Variants in PDXP observed in about 807,000 individuals in gnomAD.
PDXP encodes pyridoxal phosphatase.
In PDXP, 15 loss-of-function variants were observed where a neutral mutation model predicts 14.4. The observed-to-expected ratio is 1.04, with a 90% CI of 0.70 to 1.60. The LOEUF (loss-of-function observed/expected upper bound fraction) is 1.60. Among genes scored for constraint, PDXP ranks in the 40% most tolerant of loss-of-function variants. PDXP has a pLI of 0.00. For synonymous variants in PDXP, 233 were observed against 205.6 expected (o/e 1.13, Z -1.14); for missense variants, 413 against 427.6 (o/e 0.97, Z 0.30).
Position 37,659,265 on chromosome 22 carries a change from G to A in PDXP, c.483G>A (p.Glu161=), listed in dbSNP as rs769493370. 3 of 1,321,338 alleles carry A rather than the reference G, an allele frequency of 2.3e-6. No individual in the cohort carries two copies. Among genetic ancestry groups the A allele is most frequent in the Admixed American group, 5.8e-5 (2 of 34,648 alleles). The allele number at this position is 1,321,338 out of a possible 1,614,324, so 81.9% of individuals were successfully genotyped here. ...ACTTCTCCTTCGCCAAGCTGAGGGAGGCGTGCGCGCACCTGCGCGACCCCG... is the reference window on the plus strand; with the variant it reads ...ACTTCTCCTTCGCCAAGCTGAGGGAAGCGTGCGCGCACCTGCGCGACCCCG... ...DEHFSFAKLR[E]ACAHLRDPEC... The change falls in exon 1 of 2, where the codon GAG becomes GAA. Residue 161 remains glutamate, a synonymous_variant. Coordinates refer to ENST00000215904, the MANE Select transcript of PDXP (RefSeq NM_020315.5).
intron 1 of PDXP, among the ~76,000 whole-genome samples, chr22:37,663,930 T>C (rs1175945626): frequency 1.3e-5 from 1 of 74,104 alleles, no homozygotes; most frequent in South Asian, 4.7e-4. Flanking sequence ...TTTTTTTTTT[T>C]TTTTTTTTTT....
At chr22:37,660,969 TC>T (rs1246523325) in intron 1 of PDXP, among the ~76,000 whole-genome samples, 1 of 152,134 alleles carries the variant, frequency 6.6e-6, no homozygotes, top group Non-Finnish European at 1.5e-5. Context: ...AGCCTCAGTT[TC>T]CCTATAAGTC....
chr22:37,665,513 C>G (rs62236667), intron 1 of PDXP, 42 bp from the exon 2 acceptor site: 495,414 of 1,502,230 alleles, frequency 0.33, 82,921 homozygotes, highest in Middle Eastern at 0.34. Flanking sequence ...CTGACGCTGT[C>G]CCTGCCGCCC....
At position 37,665,980 on chromosome 22, in the gene PDXP, T is replaced by A; in HGVS notation, c.*109T>A. On this transcript the variant is annotated 3_prime_UTR_variant, in exon 2 of 2. Coordinates refer to ENST00000215904, the MANE Select transcript of PDXP (RefSeq NM_020315.5). ...AGCACAACCGGCTCCTTGGTCCAGTTCTGCACCGGGGTGGGGCTGGGACCC... is the reference window on the plus strand; with the variant it reads ...AGCACAACCGGCTCCTTGGTCCAGTACTGCACCGGGGTGGGGCTGGGACCC... 1.7e-6 allele frequency: 2 copies of A among 1,176,814 alleles called. No homozygotes were observed. The highest frequency in any genetic ancestry group is 2.4e-6 in the Non-Finnish European group (2 of 831,750). 72.9% of individuals were successfully genotyped at this position (1,176,814 alleles called of 1,614,324 possible).
chr22:37,666,138 TC>T lies in PDXP; in HGVS notation c.*271del. 1.9e-6 allele frequency: 1 copy of T among 531,436 alleles called. No homozygotes were observed. 32.9% of individuals were successfully genotyped at this position (531,436 alleles called of 1,614,324 possible). The stretch of plus-strand genomic sequence containing the variant: ...GTGGCCTTATTTCTTCCCTGTCACC[TC>T]CCCTCCTTGAAATCTGGGCCCTGGT... On this transcript the variant is annotated 3_prime_UTR_variant, in exon 2 of 2. Coordinates refer to ENST00000215904, the MANE Select transcript of PDXP (RefSeq NM_020315.5).
chr22:37,658,807 G>A lies in PDXP; in HGVS notation c.25G>A (p.Gly9Arg), dbSNP rs897939294. The A allele has an allele frequency of 2.5e-6, 3 of 1,180,566 alleles. No homozygotes were observed. The highest frequency in any genetic ancestry group is 1.6e-5 in the African/African-American group (1 of 62,172). 73.1% of individuals were successfully genotyped at this position (1,180,566 alleles called of 1,614,324 possible). A position where few individuals can be genotyped will look rare whatever the true frequency, so the allele number is the denominator to read the frequency against. The change falls in exon 1 of 2, where the codon GGA becomes AGA. Residue 9 changes from glycine (G) to arginine (R), a missense_variant. Coordinates refer to ENST00000215904, the MANE Select transcript of PDXP (RefSeq NM_020315.5). MARCERLR[G>R]AALRDVLGRA... The stretch of plus-strand genomic sequence containing the variant: ...CATGGCGCGCTGCGAGAGGCTGCGC[G>A]GAGCGGCCCTGCGCGACGTGCTGGG...
In PDXP at chr22:37,659,029, G is replaced by A; in HGVS notation, c.247G>A (p.Glu83Lys). Residue 83 changes from glutamate to lysine, a missense_variant, in exon 1 of 2, where the codon GAG (glutamate) becomes AAG (lysine). Transcript: ENST00000215904. Reference protein sequence around the residue: ...ARLGFGGLRAEQLFSSALCAA... With the variant: ...ARLGFGGLRAKQLFSSALCAA... Reference sequence around the variant, plus strand: ...CCTCGGCTTCGGGGGGCTGCGCGCCGAGCAGCTCTTCAGCTCCGCGCTGTG... The same window carrying A: ...CCTCGGCTTCGGGGGGCTGCGCGCCAAGCAGCTCTTCAGCTCCGCGCTGTG... 3.4e-6 allele frequency: 4 copies of A among 1,177,182 alleles called. No individual in the cohort carries two copies. Among genetic ancestry groups the A allele is most frequent in the Non-Finnish European group, 4.2e-6 (4 of 950,356 alleles). 72.9% of individuals were successfully genotyped at this position (1,177,182 alleles called of 1,614,324 possible). A position where few individuals can be genotyped will look rare whatever the true frequency, so the allele number is the denominator to read the frequency against.
At chr22:37,659,523 A>T (rs1340234471) in intron 1 of PDXP, among the ~76,000 whole-genome samples, 167 bp downstream of exon 1, 2 of 152,170 alleles carry the variant, frequency 1.3e-5, no homozygotes, top group Admixed American at 1.3e-4. Context: ...TGATCCCTGT[A>T]GCCGTCATCC....
chr22:37,658,970 G>A lies in PDXP; in HGVS notation c.188G>A (p.Arg63His). 8.3e-7 allele frequency: 1 copy of A among 1,204,326 alleles called. No homozygotes were observed. The highest frequency in any genetic ancestry group is 1.0e-6 in the Non-Finnish European group (1 of 968,142). 74.6% of individuals were successfully genotyped at this position (1,204,326 alleles called of 1,614,324 possible). A position where few individuals can be genotyped will look rare whatever the true frequency, so the allele number is the denominator to read the frequency against. The change falls in exon 1 of 2, where the codon CGC (arginine) becomes CAC (histidine). Residue 63 changes from arginine (R) to histidine (H), a missense_variant. Physicochemically the swap from Arg to His is conservative, Grantham distance 29. Transcript: ENST00000215904. ...CTGTTTGTGAGCAACAACAGCCGGCGCGCGCGGCCCGAGCTGGCCCTGCGC... is the reference window on the plus strand; with the variant it reads ...CTGTTTGTGAGCAACAACAGCCGGCACGCGCGGCCCGAGCTGGCCCTGCGC... ...AALFVSNNSR[R>H]ARPELALRFA...
At position 37,659,144 on chromosome 22, in the gene PDXP, AGCTGCGCGCCGCGGG is replaced by A. The variant is rs1325095038; in HGVS notation, c.370_384del (p.Ala124_Arg128del). On this transcript the variant is annotated inframe_deletion, in exon 1 of 2. Coordinates refer to ENST00000215904, the MANE Select transcript of PDXP (RefSeq NM_020315.5). ...CTGGGCGGCGAGGGGCTGCGCGCCGAGCTGCGCGCCGCGGGGCTGCGCCTGGCCGGGGACCCGAGC... is the reference window on the plus strand; with the variant it reads ...CTGGGCGGCGAGGGGCTGCGCGCCGAGCTGCGCCTGGCCGGGGACCCGAGC... The A allele has an allele frequency of 5.9e-6, 6 of 1,025,336 alleles. No homozygotes were observed. The highest frequency in any genetic ancestry group is 7.0e-6 in the Non-Finnish European group (6 of 858,570). The allele number at this position is 1,025,336 out of a possible 1,614,324, so 63.5% of individuals were successfully genotyped here. A position where few individuals can be genotyped will look rare whatever the true frequency, so the allele number is the denominator to read the frequency against.
rs1442807054 is a variant in PDXP, at chr22:37,666,162, G to A, written c.*291G>A. On this transcript the variant is annotated 3_prime_UTR_variant, in exon 2 of 2. Coordinates refer to ENST00000215904, the MANE Select transcript of PDXP (RefSeq NM_020315.5). ...CTCCCCTCCTTGAAATCTGGGCCCT[G>A]GTGCCTGCTGAAGATTCCCTCTATC... 5 of 507,726 alleles carry A rather than the reference G, an allele frequency of 9.8e-6. No individual in the cohort carries two copies. In the East Asian group the frequency reaches 1.8e-4, roughly 18 times the overall value. 31.5% of individuals were successfully genotyped at this position (507,726 alleles called of 1,614,324 possible). A position where few individuals can be genotyped will look rare whatever the true frequency, so the allele number is the denominator to read the frequency against.
chr22:37,663,053 C>G (rs955365193), intron 1 of PDXP, among the ~76,000 whole-genome samples: 1 of 151,822 alleles, frequency 6.6e-6, no homozygotes, highest in African/African-American at 2.4e-5. Flanking sequence ...GTAATCCCAG[C>G]ACTTTGGGAG....
chr22:37,659,532 C>T (rs775800807), intron 1 of PDXP, among the ~76,000 whole-genome samples, 176 bp downstream of exon 1: 13 of 152,160 alleles, frequency 8.5e-5, no homozygotes, highest in Non-Finnish European at 1.6e-4. Context: ...TAGCCGTCAT[C>T]CTGTGAGGCG....
intron 1 of PDXP, among the ~76,000 whole-genome samples, chr22:37,661,517 TAGAA>T (rs1428576324): frequency 1.3e-5 from 2 of 152,164 alleles, no homozygotes; most frequent in Non-Finnish European, 1.5e-5. Context: ...AGCTGACAAA[TAGAA>T]AGGCCTGCTG....
Position 37,659,013 on chromosome 22 carries a change from C to T in PDXP, c.231C>T (p.Phe77=), listed in dbSNP as rs1212792606. The T allele has an allele frequency of 5.1e-6, 6 of 1,187,092 alleles. No individual in the cohort carries two copies. Among genetic ancestry groups the T allele is most frequent in the Non-Finnish European group, 6.3e-6 (6 of 956,148 alleles). The allele number at this position is 1,187,092 out of a possible 1,614,324, so 73.5% of individuals were successfully genotyped here. A position where few individuals can be genotyped will look rare whatever the true frequency, so the allele number is the denominator to read the frequency against. ...CCCTGCGCTTCGCGCGCCTCGGCTT[C>T]GGGGGGCTGCGCGCCGAGCAGCTCT... The part of the protein sequence containing the change: ...ELALRFARLG[F]GGLRAEQLFS... Residue 77 remains phenylalanine, a synonymous_variant, in exon 1 of 2, where the codon TTC becomes TTT. Transcript: ENST00000215904.
chr22:37,658,727 G>A lies in PDXP; in HGVS notation c.-56G>A. The A allele has an allele frequency of 2.8e-6, 3 of 1,075,458 alleles. No homozygotes were observed. The highest frequency in any genetic ancestry group is 4.6e-5 in the South Asian group (1 of 21,826). 66.6% of individuals were successfully genotyped at this position (1,075,458 alleles called of 1,614,324 possible). On this transcript the variant is annotated 5_prime_UTR_variant, in exon 1 of 2. Transcript: ENST00000215904. Reference sequence around the variant, plus strand: ...GGCTGCGTGGAACGTGCCAGGGAGAGCGCGCCGTGCCCGCGGAGAGAGCGC... The same window carrying A: ...GGCTGCGTGGAACGTGCCAGGGAGAACGCGCCGTGCCCGCGGAGAGAGCGC...
chr22:37,659,431 C>T, intron 1 of PDXP, 75 bp downstream of exon 1: 2 of 1,134,296 alleles, frequency 1.8e-6, no homozygotes, highest in Non-Finnish European at 2.3e-6. Flanking sequence ...GGGTGAGGGG[C>T]GGGGAAGAGG....
Position 37,665,745 on chromosome 22 carries a change from G to A in PDXP, c.765G>A (p.Val255=). ...LFGHRCGMTT[V]LTLTGVSRLE... The stretch of plus-strand genomic sequence containing the variant: ...GCCACCGCTGCGGCATGACCACTGT[G>A]CTCACGCTCACAGGAGTCTCCCGCC... Residue 255 remains valine (V), a synonymous_variant, in exon 2 of 2, where the codon GTG becomes GTA. Transcript: ENST00000215904. 6.2e-7 allele frequency: 1 copy of A among 1,614,096 alleles called. No individual in the cohort carries two copies.
In PDXP at chr22:37,662,093, C is replaced by T. The variant is rs555374185; in HGVS notation, c.574+2737C>T. Reference sequence around the variant, plus strand: ...AGTAGCTGGGATTACAGGTACCCACCACCACACGCAGCTAATTTTTATTCT... The same window carrying T: ...AGTAGCTGGGATTACAGGTACCCACTACCACACGCAGCTAATTTTTATTCT... On this transcript the variant is annotated intron_variant, in intron 1 of 1. Transcript: ENST00000215904. Among the ~76,000 whole-genome samples, 28 of 151,810 alleles carry T rather than the reference C, an allele frequency of 1.8e-4. No homozygotes were observed. The East Asian group carries it at 5.4e-3, about 29-fold the overall frequency.
Sources: allele counts gnomAD v4.1 joint callset (sites outside exome capture counted in the v4.1 genomes callset), GRCh38; gene constraint gnomAD v4.1.1; transcripts MANE v1.5; gene names NCBI Gene and HGNC (gene_info 2026-07-23, HGNC 2026-07-21).